MYO3A: variants seen among roughly 807,000 people sequenced by gnomAD.
MYO3A encodes the protein myosin-IIIa.
MYO3A carries 180 observed loss-of-function variants against 192.7 expected under a neutral mutation model. The observed-to-expected ratio is 0.93, with a 90% CI of 0.83 to 1.06. MYO3A has a LOEUF of 1.06. Ranked by LOEUF, MYO3A falls within the 50% of genes least tolerant of loss-of-function variation. The probability of loss-of-function intolerance (pLI) is 0.00; values close to 1 mark genes in which losing one functional copy is unlikely to be tolerated. For missense variants in MYO3A, 1,896 were observed against 1,905.0 expected, an observed-to-expected ratio of 1.00 and a Z score of 0.09; for synonymous variants, 628 against 645.3, an observed-to-expected ratio of 0.97 and a Z score of 0.41.
At position 26,168,885 on chromosome 10, in the gene MYO3A, T is replaced by A; in HGVS notation, c.3274+11T>A. The A allele has an allele frequency of 6.2e-7, 1 of 1,603,542 alleles. No individual in the cohort carries two copies. The highest frequency in any genetic ancestry group is 8.5e-7 in the Non-Finnish European group (1 of 1,173,656). ...TAATAATACAGTCAGGTAATCTCTT[T>A]GACATATTTAGATATGGTCATAAAA... On this transcript the variant is annotated intron_variant, in intron 28 of 34. Transcript: ENST00000642920.
intron 17 of MYO3A, among the ~76,000 whole-genome samples, chr10:26,112,096 A>G (rs1194118772): frequency 6.6e-6 from 1 of 152,224 alleles, no homozygotes; most frequent in Non-Finnish European, 1.5e-5. Flanking sequence ...ATGTTTACTA[A>G]CATTAAAATG....
At chr10:25,993,374 A>G (rs1840184300) in intron 4 of MYO3A, among the ~76,000 whole-genome samples, 1 of 151,878 alleles carries the variant, frequency 6.6e-6, no homozygotes, top group Non-Finnish European at 1.5e-5. Context: ...ATGATTTTTT[A>G]TTGCATCTGT....
chr10:26,005,762 A>C (rs984591260), intron 6 of MYO3A, among the ~76,000 whole-genome samples: 10 of 152,152 alleles, frequency 6.6e-5, no homozygotes, highest in African/African-American at 2.4e-4. Context: ...CTAGTGCTTT[A>C]TAGAGTGAAA....
intron 17 of MYO3A, among the ~76,000 whole-genome samples, chr10:26,115,932 AT>A: frequency 6.6e-6 from 1 of 152,334 alleles, no homozygotes; most frequent in South Asian, 2.1e-4. Context: ...CATAAGTGTA[AT>A]ATCAAATAAG....
In MYO3A at chr10:26,174,532, G is replaced by A; in HGVS notation, c.4268G>A (p.Cys1423Tyr). 6.2e-7 allele frequency: 1 copy of A among 1,613,888 alleles called. No homozygotes were observed. Among genetic ancestry groups the A allele is most frequent in the Non-Finnish European group, 8.5e-7 (1 of 1,180,010 alleles). ...AAAGCAACTTCAGAAAGAGAAGCAT[G>A]TGGTTTGGCAATTTTTTCAAAACAG... ...DSKATSEREA[C>Y]GLAIFSKQIS... The change falls in exon 30 of 35, where the codon TGT (cysteine) becomes TAT (tyrosine). Residue 1423 changes from cysteine (C) to tyrosine (Y), a missense_variant. Physicochemically the swap from Cys to Tyr is radical, Grantham distance 194. Transcript: ENST00000642920.
intron 20 of MYO3A, among the ~76,000 whole-genome samples, chr10:26,137,614 G>T (rs772813669): frequency 2.0e-5 from 3 of 152,222 alleles, no homozygotes; most frequent in Non-Finnish European, 4.4e-5. Context: ...CTGACTGCCT[G>T]CAGGGTCGGG....
chr10:25,969,816 A>G (rs1403032111), intron 4 of MYO3A, among the ~76,000 whole-genome samples: 1 of 152,158 alleles, frequency 6.6e-6, no homozygotes, highest in Non-Finnish European at 1.5e-5. Context: ...CACACTTTAA[A>G]TAGAAACATG....
At chr10:26,065,127 C>T (rs1211332820) in intron 10 of MYO3A, among the ~76,000 whole-genome samples, 1 of 152,150 alleles carries the variant, frequency 6.6e-6, no homozygotes, top group Non-Finnish European at 1.5e-5. Flanking sequence ...GAGAGACTTA[C>T]AGGAAACCAA....
intron 14 of MYO3A, among the ~76,000 whole-genome samples, chr10:26,078,291 G>A (rs1266649040): frequency 6.6e-6 from 1 of 151,902 alleles, no homozygotes; most frequent in Non-Finnish European, 1.5e-5. Flanking sequence ...TGTGTGTAAA[G>A]GTGTTCATAG....
chr10:26,066,907 G>T (rs1419817840), intron 10 of MYO3A, 68 bp from the exon 11 acceptor site: 1 of 994,240 alleles, frequency 1.0e-6, no homozygotes, highest in East Asian at 2.4e-5. Context: ...AGTATCATAT[G>T]TATCTAAAAC....
chr10:25,990,242 G>A (rs1839927520), intron 4 of MYO3A, among the ~76,000 whole-genome samples: 1 of 151,882 alleles, frequency 6.6e-6, no homozygotes, highest in Admixed American at 6.6e-5. Context: ...AAGTATGTAC[G>A]GGTACATGAT....
intron 17 of MYO3A, among the ~76,000 whole-genome samples, chr10:26,105,598 T>A (rs1270430749): frequency 6.6e-6 from 1 of 152,140 alleles, no homozygotes; most frequent in Non-Finnish European, 1.5e-5. Context: ...ATAGACATTA[T>A]ATGTTTCTAT....
chr10:26,196,928 C>A (rs1321943731), intron 32 of MYO3A, among the ~76,000 whole-genome samples: 2 of 152,136 alleles, frequency 1.3e-5, no homozygotes, highest in Admixed American at 1.3e-4. Context: ...GCATTTATTT[C>A]TTTGTTAGGA....
intron 20 of MYO3A, among the ~76,000 whole-genome samples, chr10:26,136,676 G>T (rs922548799): frequency 6.6e-6 from 1 of 152,148 alleles, no homozygotes; most frequent in East Asian, 1.9e-4. Context: ...TACTTAAGCA[G>T]TGTTCATCTA....
intron 10 of MYO3A, among the ~76,000 whole-genome samples, chr10:26,030,104 C>A (rs989144194): frequency 2.6e-5 from 4 of 152,074 alleles, no homozygotes; most frequent in Non-Finnish European, 1.5e-5. Context: ...AGGCAAGGGA[C>A]CCCACACTCA....
chr10:26,003,896 C>T (rs1841011405), intron 6 of MYO3A, among the ~76,000 whole-genome samples: 1 of 152,124 alleles, frequency 6.6e-6, no homozygotes, highest in African/African-American at 2.4e-5. Flanking sequence ...CCACATGCCC[C>T]ATTTTAGACC....
chr10:26,052,559 C>T (rs866617736), intron 10 of MYO3A, among the ~76,000 whole-genome samples: 8 of 152,158 alleles, frequency 5.3e-5, no homozygotes, highest in Non-Finnish European at 1.0e-4. Context: ...CCTGTACTCC[C>T]GTCGGTACTA....
chr10:26,152,876 G>A (rs1051927744), intron 23 of MYO3A, among the ~76,000 whole-genome samples: 1 of 152,122 alleles, frequency 6.6e-6, no homozygotes, highest in African/African-American at 2.4e-5. Flanking sequence ...GCAGAGCAGA[G>A]GCCCTGCCAG....
intron 15 of MYO3A, among the ~76,000 whole-genome samples, chr10:26,095,076 G>C (rs534798795): frequency 1.2e-3 from 186 of 152,130 alleles, no homozygotes; most frequent in Non-Finnish European, 2.2e-3. Context: ...CGGAAGTTTG[G>C]GTGTGATGAG....
Sources: gnomAD v4.1 joint callset for allele counts (sites outside exome capture counted in the v4.1 genomes callset) on GRCh38, gnomAD v4.1.1 for gene constraint, MANE v1.5 for transcripts, NCBI Gene and HGNC (gene_info 2026-07-23, HGNC 2026-07-21) for gene names.